The following KIZ variants were observed in gnomAD, a reference collection of about 807,000 sequenced individuals.
The protein encoded by KIZ is centrosomal protein kizuna.
Under a neutral mutation model 79.6 loss-of-function variants are expected in KIZ, and 68 were observed. The observed-to-expected ratio is 0.85, with a 90% CI of 0.70 to 1.05. The LOEUF is 1.05. KIZ is among the 50% of genes least tolerant of loss of function. The probability of loss-of-function intolerance (pLI) is 0.00; values close to 1 mark genes in which losing one functional copy is unlikely to be tolerated. For missense variants in KIZ, 797 were observed against 800.4 expected (o/e 1.00, Z 0.05); for synonymous variants, 280 against 281.8 (o/e 0.99, Z 0.06).
chr20:21,136,491 A>G lies in KIZ; in HGVS notation c.254A>G (p.Glu85Gly). 6.2e-7 allele frequency: 1 copy of G among 1,601,198 alleles called. No homozygotes were observed. Among genetic ancestry groups the G allele is most frequent in the Non-Finnish European group, 8.5e-7 (1 of 1,172,380 alleles). The part of the protein sequence containing the change: ...TRNQEYLKRF[E>G]RVQAHVVHFT... The stretch of plus-strand genomic sequence containing the variant: ...AACCAAGAATATTTAAAGCGATTTG[A>G]GCGTGTCCAAGCTCATGTTGTACAC... The change falls in exon 3 of 13, where the codon GAG (glutamate) becomes GGG (glycine). Residue 85 changes from glutamate (E) to glycine (G), a missense_variant. Glu to Gly is a moderately conservative substitution (Grantham distance 98). Coordinates refer to ENST00000619189, the MANE Select transcript of KIZ (RefSeq NM_018474.6).
chr20:21,234,163 A>G (rs923425105), intron 11 of KIZ, among the ~76,000 whole-genome samples: 23 of 152,196 alleles, frequency 1.5e-4, no homozygotes, highest in African/African-American at 5.6e-4. Context: ...GACATTGAGA[A>G]AGCAATTGGA....
intron 4 of KIZ, among the ~76,000 whole-genome samples, chr20:21,148,483 TAGTC>T (rs1204361773): frequency 6.6e-6 from 1 of 152,176 alleles, no homozygotes; most frequent in Non-Finnish European, 1.5e-5. Context: ...TTAATTTACT[TAGTC>T]AGCTTACAAA....
intron 3 of KIZ, chr20:21,144,256 C>A (rs1332100781): frequency 1.3e-5 from 2 of 152,004 alleles, no homozygotes; most frequent in South Asian, 4.2e-4. Context: ...TCTCAAAGAG[C>A]GTAAGAAAAC....
intron 9 of KIZ, among the ~76,000 whole-genome samples, chr20:21,224,179 A>G (rs2036590612): frequency 6.6e-6 from 1 of 151,380 alleles, no homozygotes; most frequent in Non-Finnish European, 1.5e-5. Context: ...GCGTTTCTCC[A>G]TTTTGGTCAG....
chr20:21,194,950 C>T (rs1311789259), intron 6 of KIZ: 1 of 152,034 alleles, frequency 6.6e-6, no homozygotes, highest in African/African-American at 2.4e-5. Context: ...AGCATTGTGC[C>T]GAATGCTATG....
At chr20:21,218,522 C>G (rs1236079383) in intron 9 of KIZ, 1 of 152,148 alleles carries the variant, frequency 6.6e-6, no homozygotes, top group Admixed American at 6.5e-5. Flanking sequence ...TCTCTCTCTG[C>G]AGTATGCATA....
At position 21,162,354 on chromosome 20, in the gene KIZ, A is replaced by G; in HGVS notation, c.889A>G (p.Ser297Gly). 1 of 1,613,978 alleles carries G rather than the reference A, an allele frequency of 6.2e-7. No homozygotes were observed. Residue 297 changes from serine to glycine, a missense_variant, in exon 5 of 13, where the codon AGC becomes GGC. Ser to Gly is a moderately conservative substitution (Grantham distance 56). Transcript: ENST00000619189. Reference protein sequence around the residue: ...RTTDLKCDSSSGSEGEILTRE... With the variant: ...RTTDLKCDSSGGSEGEILTRE... ...CACTGATTTAAAGTGTGACAGTTCC[A>G]GCGGATCAGAGGGAGAAATACTGAC...
intron 6 of KIZ, among the ~76,000 whole-genome samples, chr20:21,167,275 A>G (rs1044184789): frequency 1.3e-5 from 2 of 152,246 alleles, no homozygotes; most frequent in African/African-American, 4.8e-5. Context: ...GATTGCATGG[A>G]TAGAAGTGTC....
At chr20:21,246,269 A>G (rs999434280) in intron 12 of KIZ, 1 of 551,032 alleles carries the variant, frequency 1.8e-6, no homozygotes, top group African/African-American at 1.9e-5. Context: ...ATTGTTTTCC[A>G]TAACAGTGCA....
At chr20:21,147,975 G>GTGTGTGTGTGTT (rs2032932221) in intron 4 of KIZ, among the ~76,000 whole-genome samples, 1 of 151,580 alleles carries the variant, frequency 6.6e-6, no homozygotes, top group Admixed American at 6.6e-5. Flanking sequence ...GTGTGTGTGT[G>GTGTGTGTGTGTT]TGTGTGTGTG....
At chr20:21,212,398 A>G (rs1057438678) in intron 7 of KIZ, among the ~76,000 whole-genome samples, 2 of 152,228 alleles carry the variant, frequency 1.3e-5, no homozygotes, top group East Asian at 1.9e-4. Flanking sequence ...AAACCATACT[A>G]CAAGTAGTAC....
chr20:21,222,762 C>A (rs2036541207), intron 9 of KIZ, among the ~76,000 whole-genome samples: 1 of 152,172 alleles, frequency 6.6e-6, no homozygotes, highest in Admixed American at 6.5e-5. Flanking sequence ...GTCTCTGTGT[C>A]TGCTCTTCTT....
At chr20:21,246,190 C>A in intron 12 of KIZ, 1 of 371,438 alleles carries the variant, frequency 2.7e-6, no homozygotes, top group Admixed American at 4.9e-5. Context: ...CCATGTAACC[C>A]TGACCTTAAA....
chr20:21,183,174 G>C (rs1317433896), intron 6 of KIZ, among the ~76,000 whole-genome samples: 1 of 152,188 alleles, frequency 6.6e-6, no homozygotes, highest in African/African-American at 2.4e-5. Flanking sequence ...ACCCCAGCAA[G>C]GTGTTTGTCC....
At chr20:21,185,062 T>TTGTGTGTGTGTGTGTGTGTGTGTGTG (rs144332345) in intron 6 of KIZ, among the ~76,000 whole-genome samples, 1,797 of 151,462 alleles carry the variant, frequency 0.012, 31 homozygotes, top group African/African-American at 0.041. Context: ...AAAAAAATAA[T>TTGTGTGTGTGTGTGTGTGTGTGTGTG]TGTGTGTGTG....
chr20:21,174,747 A>G (rs2034363383), intron 6 of KIZ, among the ~76,000 whole-genome samples: 1 of 152,046 alleles, frequency 6.6e-6, no homozygotes, highest in Non-Finnish European at 1.5e-5. Flanking sequence ...TGGTTTCTCA[A>G]GGTCATAAAA....
In KIZ at chr20:21,144,156, C is replaced by G. The variant is rs117884204; in HGVS notation, c.316-1409C>G. ...TCAGCAAAATGAATTGAATAAAACTCTCATATTTCTATGAGAAAGTGCTCT... is the reference window on the plus strand; with the variant it reads ...TCAGCAAAATGAATTGAATAAAACTGTCATATTTCTATGAGAAAGTGCTCT... On this transcript the variant is annotated intron_variant, in intron 3 of 12. Coordinates refer to ENST00000619189, the MANE Select transcript of KIZ (RefSeq NM_018474.6). 1,371 of 152,210 alleles carry G rather than the reference C, an allele frequency of 9.0e-3. 8 individuals carry two copies. Among genetic ancestry groups the G allele is most frequent in the Non-Finnish European group, 0.016 (1,068 of 68,004 alleles). The allele number at this position is 152,210 out of a possible 1,614,324, so 9.4% of individuals were successfully genotyped here. A position where few individuals can be genotyped will look rare whatever the true frequency, so the allele number is the denominator to read the frequency against.
At chr20:21,128,058 G>A (rs1285050758) in intron 1 of KIZ, among the ~76,000 whole-genome samples, 1 of 152,124 alleles carries the variant, frequency 6.6e-6, no homozygotes, top group African/African-American at 2.4e-5. Flanking sequence ...TGTCACCCAG[G>A]CTGGAGTGCA....
intron 3 of KIZ, among the ~76,000 whole-genome samples, chr20:21,141,561 G>A (rs1600370109): frequency 6.6e-6 from 1 of 152,172 alleles, no homozygotes; most frequent in South Asian, 2.1e-4. Context: ...GCCCAGAAAG[G>A]TCCTAGGGAT....
Sources: gnomAD v4.1 joint callset for allele counts (sites outside exome capture counted in the v4.1 genomes callset) on GRCh38, gnomAD v4.1.1 for gene constraint, MANE v1.5 for transcripts, NCBI Gene and HGNC (gene_info 2026-07-23, HGNC 2026-07-21) for gene names.